RTL1: variants seen among roughly 807,000 people sequenced by gnomAD.
RTL1 encodes retrotransposon-like protein 1.
For missense variants in RTL1, 1,681 were observed against 1,767.5 expected (o/e 0.95, Z 0.88); for synonymous variants, 727 against 748.4 (o/e 0.97, Z 0.47).
intron 2 of RTL1, among the ~76,000 whole-genome samples, chr14:100,902,884 T>C (rs528443384): frequency 7.5e-4 from 114 of 152,266 alleles, no homozygotes; most frequent in African/African-American, 2.6e-3. Flanking sequence ...GAGAGGTATG[T>C]AACAAGTGTC....
Position 100,882,200 on chromosome 14 carries a change from C to A in RTL1, c.2589G>T (p.Ala863=), listed in dbSNP as rs1021000473. 3.3e-5 allele frequency: 51 copies of A among 1,550,384 alleles called. No individual in the cohort carries two copies. Among genetic ancestry groups the A allele is most frequent in the Non-Finnish European group, 4.4e-5 (50 of 1,146,990 alleles). Residue 863 remains alanine, a synonymous_variant, in exon 4 of 4, where the codon GCG becomes GCT. Transcript: ENST00000649591. ...FECLKRAFRK[A]PLLHHPKPQN... is the part of the protein sequence containing the mutation. ...GGGGCTTGGGGTGGTGGAGGAGAGG[C>A]GCCTTGCGGAAAGCCCTCTTCAGGC...
rs182315655 is a variant in RTL1 at position 100,884,598 on chromosome 14, T to C, written c.191A>G (p.Gln64Arg). 2,672 of 1,613,654 alleles carry C rather than the reference T, an allele frequency of 1.7e-3. 62 individuals are homozygous for C. Among genetic ancestry groups the C allele is most frequent in the Non-Finnish European group, 1.9e-4 (221 of 1,179,646 alleles). Residue 64 changes from glutamine (Q) to arginine (R), a missense_variant, in exon 4 of 4, where the codon CAG becomes CGG. Physicochemically the swap from Gln to Arg is conservative, Grantham distance 43. Coordinates refer to ENST00000649591, the MANE Select transcript of RTL1 (RefSeq NM_001134888.3). Reference sequence around the variant, plus strand: ...ATCAGTGGGCAGCTCTTCCATTTCCTGGAGTGGGCCACTGGGGGGCTCCTT... The same window carrying C: ...ATCAGTGGGCAGCTCTTCCATTTCCCGGAGTGGGCCACTGGGGGGCTCCTT... ...EKKEPPSGPL[Q>R]EMEELPTDLL...
intron 2 of RTL1, among the ~76,000 whole-genome samples, chr14:100,903,014 C>A (rs1055312940): frequency 6.6e-6 from 1 of 152,186 alleles, no homozygotes; most frequent in African/African-American, 2.4e-5. Flanking sequence ...GAGGCAGCCC[C>A]CGGCCTGTGG....
Position 100,884,165 on chromosome 14 carries a change from G to A in RTL1, c.624C>T (p.Gly208=), listed in dbSNP as rs1323500317. The change falls in exon 4 of 4, where the codon GGC becomes GGT. Residue 208 remains glycine (G), a synonymous_variant. Coordinates refer to ENST00000649591, the MANE Select transcript of RTL1 (RefSeq NM_001134888.3). ...GQLPAPKHFS[G]DRREFHEFIV... is the part of the protein sequence containing the mutation. The stretch of plus-strand genomic sequence containing the variant: ...TGAACTCGTGGAATTCTCTGCGATC[G>A]CCAGAGAAGTGCTTTGGGGCGGGCA... The A allele has an allele frequency of 3.3e-5, 51 of 1,551,680 alleles. No homozygotes were observed. The East Asian group carries it at 9.8e-4, about 30-fold the overall frequency.
Position 100,881,209 on chromosome 14 carries a change from G to A in RTL1, c.3580C>T (p.Leu1194=). ...RGLQFTPGFW[L]TLCEFFGVRV... Reference sequence around the variant, plus strand: ...ACACCGAAGAACTCACACAGCGTCAGCCAGAAGCCAGGGGTGAACTGCAGG... The same window carrying A: ...ACACCGAAGAACTCACACAGCGTCAACCAGAAGCCAGGGGTGAACTGCAGG... Residue 1194 remains leucine (L), a synonymous_variant, in exon 4 of 4, where the codon CTG becomes TTG. Transcript: ENST00000649591. This position sits in a 1 kb window ranked among gnomAD's most constrained non-coding sequence, Gnocchi z 6.6. 1.9e-6 allele frequency: 3 copies of A among 1,544,534 alleles called. No homozygotes were observed. Among genetic ancestry groups the A allele is most frequent in the Non-Finnish European group, 2.6e-6 (3 of 1,143,502 alleles).
chr14:100,894,953 A>G (rs2038834676), intron 2 of RTL1: 1 of 152,194 alleles, frequency 6.6e-6, no homozygotes, highest in Non-Finnish European at 1.5e-5. Context: ...TGCCCCCAAG[A>G]TGGCACCTGG....
intron 3 of RTL1, among the ~76,000 whole-genome samples, chr14:100,888,768 C>T (rs1595338973): frequency 6.6e-6 from 1 of 152,168 alleles, no homozygotes; most frequent in Admixed American, 6.5e-5. Context: ...CATGTTGGAG[C>T]CTCAAAATAA....
chr14:100,883,075 C>A lies in RTL1; in HGVS notation c.1714G>T (p.Asp572Tyr). ...LADVFNPKEA[D>Y]DETSDQPSSD... Reference sequence around the variant, plus strand: ...CTTGGCTGGTCGGAAGTCTCATCATCTGCTTCCTTCGGGTTAAACACGTCG... The same window carrying A: ...CTTGGCTGGTCGGAAGTCTCATCATATGCTTCCTTCGGGTTAAACACGTCG... The change falls in exon 4 of 4, where the codon GAT becomes TAT. Residue 572 changes from aspartate (D) to tyrosine (Y), a missense_variant. Coordinates refer to ENST00000649591, the MANE Select transcript of RTL1 (RefSeq NM_001134888.3). This position sits in a 1 kb window ranked among gnomAD's most constrained non-coding sequence, Gnocchi z 5.9. 1 of 1,614,106 alleles carries A rather than the reference C, an allele frequency of 6.2e-7. No individual in the cohort carries two copies. Among genetic ancestry groups the A allele is most frequent in the African/African-American group, 1.3e-5 (1 of 75,056 alleles).
In RTL1 at chr14:100,884,856, G is replaced by A. The variant is rs2140038573; in HGVS notation, c.-68C>T. ...TGTGATGGCGTCCAGTCAGTAGCTGGGACCGTGGAGATCAGAACCTGGTGG... is the reference window on the plus strand; with the variant it reads ...TGTGATGGCGTCCAGTCAGTAGCTGAGACCGTGGAGATCAGAACCTGGTGG... On this transcript the variant is annotated 5_prime_UTR_variant, in exon 4 of 4. Coordinates refer to ENST00000649591, the MANE Select transcript of RTL1 (RefSeq NM_001134888.3). 7.0e-7 allele frequency: 1 copy of A among 1,432,746 alleles called. No homozygotes were observed. Among genetic ancestry groups the A allele is most frequent in the Non-Finnish European group, 9.4e-7 (1 of 1,064,436 alleles). The allele number at this position is 1,432,746 out of a possible 1,614,324, so 88.8% of individuals were successfully genotyped here.
intron 2 of RTL1, among the ~76,000 whole-genome samples, chr14:100,901,056 C>T (rs555789989): frequency 3.9e-5 from 6 of 152,322 alleles, no homozygotes; most frequent in East Asian, 3.9e-4. Flanking sequence ...ACCTGCAACA[C>T]GATGCTGCCC....
intron 2 of RTL1, among the ~76,000 whole-genome samples, chr14:100,900,355 C>T (rs967891088): frequency 1.3e-5 from 2 of 152,186 alleles, no homozygotes; most frequent in African/African-American, 2.4e-5. Flanking sequence ...TGCACGTTGC[C>T]CTTTACACAA....
Position 100,880,684 on chromosome 14 carries a change from A to T in RTL1, c.*28T>A, listed in dbSNP as rs1467073745. ...GGTGTTGGGGTGAGAAATAGAGGGG[A>T]CTCTTTGCTGGAGACAGGGAGGCGT... On this transcript the variant is annotated 3_prime_UTR_variant, in exon 4 of 4. Transcript: ENST00000649591. 1 of 1,546,744 alleles carries T rather than the reference A, an allele frequency of 6.5e-7. No individual in the cohort carries two copies. Among genetic ancestry groups the T allele is most frequent in the South Asian group, 1.2e-5 (1 of 83,798 alleles).
chr14:100,895,745 C>G (rs1195492374), intron 2 of RTL1, among the ~76,000 whole-genome samples: 1 of 152,174 alleles, frequency 6.6e-6, no homozygotes, highest in African/African-American at 2.4e-5. Context: ...CAGGTAACCT[C>G]AGTCTGGGCA....
At chr14:100,891,775 C>T (rs985901941) in intron 3 of RTL1, among the ~76,000 whole-genome samples, 1 of 152,206 alleles carries the variant, frequency 6.6e-6, no homozygotes, top group Admixed American at 6.5e-5. Flanking sequence ...GACAGGTCTG[C>T]ACCGGCCTCC....
chr14:100,887,056 T>C (rs986265863), intron 3 of RTL1, among the ~76,000 whole-genome samples: 1 of 152,240 alleles, frequency 6.6e-6, no homozygotes, highest in African/African-American at 2.4e-5. Flanking sequence ...GGTCATCTCA[T>C]AATTTCTCTA....
chr14:100,885,127 A>G (rs2140038894), intron 3 of RTL1, among the ~76,000 whole-genome samples: 1 of 152,306 alleles, frequency 6.6e-6, no homozygotes, highest in African/African-American at 2.4e-5. Context: ...TCCTCCATAG[A>G]TGTGAGAAAT....
At chr14:100,885,481 C>T (rs916658131) in intron 3 of RTL1, among the ~76,000 whole-genome samples, 1 of 151,676 alleles carries the variant, frequency 6.6e-6, no homozygotes, top group Non-Finnish European at 1.5e-5. Context: ...TTTCCTTCCC[C>T]ATGTTCAAAA....
Position 100,896,184 on chromosome 14 carries a change from C to T in RTL1, c.-148-2679G>A, listed in dbSNP as rs1253414942. 3.3e-5 allele frequency among the ~76,000 whole-genome samples: 5 copies of T among 152,128 alleles called. No homozygotes were observed. In the East Asian group the frequency reaches 5.8e-4, roughly 18 times the overall value. On this transcript the variant is annotated intron_variant, in intron 2 of 3. Coordinates refer to ENST00000649591, the MANE Select transcript of RTL1 (RefSeq NM_001134888.3). ...CTGTGTAATAAATAGTGGGGCTTCA[C>T]GTGCAGGAAAGGCGATTAAGAGCGA...
intron 3 of RTL1, among the ~76,000 whole-genome samples, chr14:100,892,193 A>G (rs2038789087): frequency 6.6e-6 from 1 of 152,180 alleles, no homozygotes; most frequent in Non-Finnish European, 1.5e-5. Flanking sequence ...ACTCTCACCC[A>G]GTGGGCTGCA....
Sources: gnomAD v4.1 joint callset for allele counts (sites outside exome capture counted in the v4.1 genomes callset) on GRCh38, gnomAD v4.1.1 for gene constraint, Gnocchi (gnomAD v3.1) non-coding constraint, MANE v1.5 for transcripts, NCBI Gene and HGNC (gene_info 2026-07-23, HGNC 2026-07-21) for gene names.